ATL1: variants seen among roughly 807,000 people sequenced by gnomAD.
ATL1 encodes the protein atlastin GTPase 1.
ATL1 carries 31 observed loss-of-function variants against 75.5 expected under a neutral mutation model. The observed-to-expected ratio is 0.41, with a 90% confidence interval of 0.31 to 0.55. ATL1 has a LOEUF of 0.55. Ranked by LOEUF, ATL1 falls within the 20% of genes least tolerant of loss-of-function variation. The probability of loss-of-function intolerance (pLI) is 0.27; values close to 1 mark genes in which losing one functional copy is unlikely to be tolerated. For missense variants in ATL1, 405 were observed against 662.6 expected (o/e 0.61, Z 4.27); for synonymous variants, 226 against 233.3 (o/e 0.97, Z 0.28).
At position 50,632,440 on chromosome 14, in the gene ATL1, A is replaced by G. The variant is rs1555366096; in HGVS notation, c.*101A>G. The G allele has an allele frequency of 2.9e-5, 24 of 825,504 alleles. No individual in the cohort carries two copies. The South Asian group carries it at 3.3e-4, about 11-fold the overall frequency. 51.1% of individuals were successfully genotyped at this position (825,504 alleles called of 1,614,324 possible). A position where few individuals can be genotyped will look rare whatever the true frequency, so the allele number is the denominator to read the frequency against. On this transcript the variant is annotated 3_prime_UTR_variant, in exon 14 of 14. Transcript: ENST00000358385. ...CAAAGTGCTTCCATCAGAACGGAGT[A>G]AAATACTAAACACCTCTGAAGACTG... is the stretch of plus-strand genomic sequence containing the variant.
chr14:50,569,315 A>C (rs2038933801), intron 1 of ATL1, among the ~76,000 whole-genome samples: 1 of 152,092 alleles, frequency 6.6e-6, no homozygotes, highest in Non-Finnish European at 1.5e-5. Context: ...AGCCATGATC[A>C]TGCCACTGCA....
At position 50,597,487 on chromosome 14, in the gene ATL1, C is replaced by T. The variant is rs746043352; in HGVS notation, c.630+1855C>T. The stretch of plus-strand genomic sequence containing the variant: ...AGCAAAATTAAAGTAGTATTTACTA[C>T]CGGAGAGGAGAAATGGGGATGTATC... On this transcript the variant is annotated intron_variant, in intron 6 of 13. Coordinates refer to ENST00000358385, the MANE Select transcript of ATL1 (RefSeq NM_015915.5). Among the ~76,000 whole-genome samples, 209 of 151,864 alleles carry T rather than the reference C, an allele frequency of 1.4e-3. 1 individual carries two copies. Among genetic ancestry groups the T allele is most frequent in the Admixed American group, 1.8e-3 (28 of 15,244 alleles).
At chr14:50,559,160 T>C (rs754462800), upstream of ATL1, 1 of 152,122 alleles carries the variant, frequency 6.6e-6, no homozygotes, top group Non-Finnish European at 1.5e-5. Context: ...TAAATTACAT[T>C]GAGAGAGTGT....
chr14:50,613,465 G>A (rs2039385660), intron 7 of ATL1, 114 bp downstream of exon 7: 7 of 766,194 alleles, frequency 9.1e-6, no homozygotes, highest in South Asian at 8.9e-5. Context: ...ATTTGTTATC[G>A]ATATTAATGA....
chr14:50,602,844 G>C (rs2039283634), intron 6 of ATL1, among the ~76,000 whole-genome samples: 1 of 152,098 alleles, frequency 6.6e-6, no homozygotes, highest in Non-Finnish European at 1.5e-5. Context: ...TGCAGAAGCA[G>C]GTGTTTTAGG....
chr14:50,589,250 C>A (rs2039132493), intron 2 of ATL1, among the ~76,000 whole-genome samples: 1 of 149,526 alleles, frequency 6.7e-6, no homozygotes, highest in African/African-American at 2.5e-5. Context: ...ACCTCTGCCT[C>A]CCGGGTTCAA....
At chr14:50,621,046 C>T (rs193085887) in intron 9 of ATL1, among the ~76,000 whole-genome samples, 2 of 152,264 alleles carry the variant, frequency 1.3e-5, no homozygotes, top group East Asian at 3.9e-4. Flanking sequence ...GGTCCATGGT[C>T]TATTCTGAAT....
chr14:50,617,249 G>GA (rs1215752788), intron 8 of ATL1, among the ~76,000 whole-genome samples: 1 of 152,174 alleles, frequency 6.6e-6, no homozygotes, highest in Non-Finnish European at 1.5e-5. Context: ...AAAAGGAAAT[G>GA]AAAAAGATTA....
intron 11 of ATL1, among the ~76,000 whole-genome samples, chr14:50,626,632 G>A (rs921435604): frequency 5.3e-5 from 8 of 152,110 alleles, no homozygotes; most frequent in African/African-American, 1.9e-4. Flanking sequence ...TTTTTTATTG[G>A]TACATAATAG....
chr14:50,550,902 T>A (rs959685055), intron 1 of ATL1, among the ~76,000 whole-genome samples: 6 of 152,020 alleles, frequency 3.9e-5, no homozygotes, highest in African/African-American at 1.4e-4. Context: ...AAAATGGTGC[T>A]AAGAGGGAAG....
At chr14:50,551,160 T>C (rs567498372) in intron 1 of ATL1, among the ~76,000 whole-genome samples, 1 of 151,850 alleles carries the variant, frequency 6.6e-6, no homozygotes, top group African/African-American at 2.4e-5. Context: ...AGAAAGAAGA[T>C]CCAAATAAGC....
chr14:50,572,107 A>T (rs181633907), intron 1 of ATL1: 5 of 476,386 alleles, frequency 1.0e-5, no homozygotes, highest in African/African-American at 6.1e-5. Flanking sequence ...TTGTCCATAA[A>T]TTTTTTTAAA....
chr14:50,630,848 T>A (rs2039572789), intron 13 of ATL1: 1 of 374,780 alleles, frequency 2.7e-6, no homozygotes, highest in Non-Finnish European at 5.3e-6. Flanking sequence ...AGAAAAAATA[T>A]AAGAGAATTA....
chr14:50,631,456 AACTG>A (rs1334674966), intron 13 of ATL1, among the ~76,000 whole-genome samples: 18 of 152,310 alleles, frequency 1.2e-4, no homozygotes, highest in African/African-American at 4.1e-4. Flanking sequence ...AGTCATTTGT[AACTG>A]ACTGTCAAGT....
At chr14:50,556,494 A>C (rs1381148416), upstream of ATL1, among the ~76,000 whole-genome samples, 2 of 152,188 alleles carry the variant, frequency 1.3e-5, no homozygotes, top group African/African-American at 4.8e-5. Flanking sequence ...CTGGGATTAC[A>C]GGCGTGAGCC....
intron 1 of ATL1, among the ~76,000 whole-genome samples, chr14:50,551,327 A>C (rs2038699303): frequency 7.5e-6 from 1 of 133,732 alleles, no homozygotes; most frequent in Non-Finnish European, 1.6e-5. Flanking sequence ...TTAAATCAGG[A>C]AGAAATAGAA....
At chr14:50,625,924 AT>A (rs2039515958) in intron 11 of ATL1, among the ~76,000 whole-genome samples, 1 of 151,660 alleles carries the variant, frequency 6.6e-6, no homozygotes, top group African/African-American at 2.4e-5. Context: ...GAAAAAAAAA[AT>A]CATGCTATAC....
chr14:50,594,138 C>T (rs2039189930), intron 5 of ATL1, among the ~76,000 whole-genome samples: 1 of 152,046 alleles, frequency 6.6e-6, no homozygotes, highest in African/African-American at 2.4e-5. Flanking sequence ...CAGTCATGGC[C>T]GAAGGCAAAG....
intron 1 of ATL1, among the ~76,000 whole-genome samples, chr14:50,582,228 G>A (rs567430507): frequency 2.6e-5 from 4 of 151,534 alleles, no homozygotes; most frequent in South Asian, 2.1e-4. Flanking sequence ...GCAGTGAGCC[G>A]AGATCGCGCC....
Sources: allele counts gnomAD v4.1 joint callset (sites outside exome capture counted in the v4.1 genomes callset), GRCh38; gene constraint gnomAD v4.1.1; transcripts MANE v1.5; gene names NCBI Gene and HGNC (gene_info 2026-07-23, HGNC 2026-07-21).